The following RNFT2 variants were observed in gnomAD, a reference collection of about 807,000 sequenced individuals.
The protein encoded by RNFT2 is E3 ubiquitin-protein ligase RNFT2.
RNFT2 carries 36 observed loss-of-function variants against 53.0 expected under a neutral mutation model. The ratio of observed to expected loss-of-function variants is 0.68; its 90% CI spans 0.52 to 0.90. The LOEUF is 0.90. Ranked by LOEUF, RNFT2 falls within the 40% of genes least tolerant of loss-of-function variation. The pLI, the probability that RNFT2 is intolerant of heterozygous loss-of-function variation, is 0.00. For synonymous variants in RNFT2, 260 were observed against 253.2 expected, an observed-to-expected ratio of 1.03 and a Z score of -0.26; for missense variants, 514 against 585.6, an observed-to-expected ratio of 0.88 and a Z score of 1.26.
intron 6 of RNFT2, among the ~76,000 whole-genome samples, chr12:116,773,229 T>C (rs1257202119): frequency 6.6e-6 from 1 of 152,220 alleles, no homozygotes; most frequent in African/African-American, 2.4e-5. Context: ...CCCAAAGTGC[T>C]GGGATTACAG....
intron 7 of RNFT2, among the ~76,000 whole-genome samples, chr12:116,818,892 T>C (rs2137177299): frequency 6.6e-6 from 1 of 152,328 alleles, no homozygotes; most frequent in African/African-American, 2.4e-5. Context: ...TACCACTGTT[T>C]ACACCAGAGC....
intron 7 of RNFT2, among the ~76,000 whole-genome samples, chr12:116,791,689 C>T (rs1458866758): frequency 1.3e-5 from 2 of 152,232 alleles, no homozygotes; most frequent in Admixed American, 6.5e-5. Context: ...TGTCAATGGA[C>T]ATCTAGGCTG....
chr12:116,785,265 G>GTGTGTGTT (rs1873882442), intron 7 of RNFT2, among the ~76,000 whole-genome samples: 1 of 142,238 alleles, frequency 7.0e-6, no homozygotes, highest in Non-Finnish European at 1.5e-5. Context: ...GTGTGTGTGT[G>GTGTGTGTT]TGTGTGTGTG....
At chr12:116,783,425 C>T (rs1041104785) in intron 7 of RNFT2, among the ~76,000 whole-genome samples, 1 of 152,188 alleles carries the variant, frequency 6.6e-6, no homozygotes, top group African/African-American at 2.4e-5. Flanking sequence ...ACAGGTCTGG[C>T]CAGTGAAGGT....
intron 10 of RNFT2, among the ~76,000 whole-genome samples, chr12:116,841,884 T>A (rs1462123817): frequency 8.4e-5 from 2 of 23,832 alleles, no homozygotes; most frequent in Admixed American, 3.8e-4. Flanking sequence ...TATATATAAA[T>A]ATATATAAAA....
chr12:116,812,604 A>G (rs7315763), intron 7 of RNFT2, among the ~76,000 whole-genome samples: 121,880 of 150,924 alleles, frequency 0.81, 50,698 homozygotes, highest in Non-Finnish European at 0.91. Context: ...GCGCGATCTC[A>G]GCTCACTGCA....
At chr12:116,801,142 G>C (rs1003957175) in intron 7 of RNFT2, 1 of 152,200 alleles carries the variant, frequency 6.6e-6, no homozygotes, top group African/African-American at 2.4e-5. Flanking sequence ...GCAAGGGAAT[G>C]CCACCCAGCA....
At chr12:116,787,307 C>T (rs768400219) in intron 7 of RNFT2, among the ~76,000 whole-genome samples, 7 of 152,236 alleles carry the variant, frequency 4.6e-5, no homozygotes, top group Non-Finnish European at 1.0e-4. Context: ...CCATTCCTAA[C>T]CTGCAATTTT....
chr12:116,774,441 T>TA (rs1004693947), intron 6 of RNFT2, among the ~76,000 whole-genome samples: 2 of 152,064 alleles, frequency 1.3e-5, no homozygotes, highest in Non-Finnish European at 2.9e-5. Context: ...TAGCTTCATT[T>TA]AAAAAAAAGT....
intron 7 of RNFT2, among the ~76,000 whole-genome samples, chr12:116,784,736 T>C (rs1189762275): frequency 6.6e-6 from 1 of 152,152 alleles, no homozygotes; most frequent in Non-Finnish European, 1.5e-5. Flanking sequence ...CCAAGTTCTG[T>C]TCATTTTGCC....
At chr12:116,743,113 A>G (rs1871694078) in intron 3 of RNFT2, among the ~76,000 whole-genome samples, 1 of 146,982 alleles carries the variant, frequency 6.8e-6, no homozygotes, top group Non-Finnish European at 1.5e-5. Flanking sequence ...AAAAGGTTAA[A>G]TGAAGCAGTG....
chr12:116,800,128 G>A (rs1253631548), intron 7 of RNFT2, among the ~76,000 whole-genome samples: 2 of 152,138 alleles, frequency 1.3e-5, no homozygotes, highest in Non-Finnish European at 2.9e-5. Context: ...ACCAGAGGCC[G>A]AGCATATGCA....
At chr12:116,771,403 T>A (rs1280570856) in intron 6 of RNFT2, among the ~76,000 whole-genome samples, 1 of 139,434 alleles carries the variant, frequency 7.2e-6, no homozygotes, top group Non-Finnish European at 1.5e-5. Flanking sequence ...AAGGCTGCAG[T>A]GAGCCATAAT....
intron 6 of RNFT2, among the ~76,000 whole-genome samples, chr12:116,774,240 T>C (rs796371299): frequency 4.6e-5 from 7 of 152,282 alleles, no homozygotes; most frequent in African/African-American, 1.7e-4. Context: ...TATGCAACAA[T>C]GTGAATGTAC....
At chr12:116,814,213 C>G (rs1875524846) in intron 7 of RNFT2, among the ~76,000 whole-genome samples, 1 of 152,172 alleles carries the variant, frequency 6.6e-6, no homozygotes, top group African/African-American at 2.4e-5. Flanking sequence ...ATCCACTGAA[C>G]CAGTATTTTT....
intron 10 of RNFT2, among the ~76,000 whole-genome samples, chr12:116,847,150 C>T (rs1482837526): frequency 6.6e-6 from 1 of 151,992 alleles, no homozygotes; most frequent in East Asian, 1.9e-4. Context: ...CTCAGTGATC[C>T]CCCCGCCTCA....
At chr12:116,779,370 A>G in intron 7 of RNFT2, 22 bp downstream of exon 7, 5 of 1,613,578 alleles carry the variant, frequency 3.1e-6, no homozygotes, top group Non-Finnish European at 4.2e-6. Context: ...CTGCGGCCAC[A>G]AGGTAGCCCC....
chr12:116,779,104 G>C, intron 6 of RNFT2, 91 bp from the exon 7 acceptor site: 3 of 1,366,824 alleles, frequency 2.2e-6, no homozygotes, highest in Non-Finnish European at 2.1e-6. Flanking sequence ...TCTTTCTACA[G>C]GTGATACTTA....
At chr12:116,765,616 G>A (rs1298367418) in intron 5 of RNFT2, among the ~76,000 whole-genome samples, 1 of 152,064 alleles carries the variant, frequency 6.6e-6, no homozygotes, top group Non-Finnish European at 1.5e-5. Context: ...GCAGGAACAC[G>A]CCCCCCTTTG....
Sources: gnomAD v4.1 joint callset for allele counts (sites outside exome capture counted in the v4.1 genomes callset) on GRCh38, gnomAD v4.1.1 for gene constraint, MANE v1.5 for transcripts, NCBI Gene and HGNC (gene_info 2026-07-23, HGNC 2026-07-21) for gene names.